The following KIF26B variants were observed in gnomAD, a reference collection of about 807,000 sequenced individuals.
KIF26B encodes the protein kinesin family member 26B, also known as kinesin-like protein KIF26B.
Under a neutral mutation model 151.2 loss-of-function variants are expected in KIF26B, and 63 were observed. The observed-to-expected ratio is 0.42, with a 90% CI of 0.34 to 0.51. The LOEUF is 0.51. Among genes scored for constraint, KIF26B ranks in the 20% least tolerant of loss-of-function variants. The pLI is 0.07. For missense variants in KIF26B, 2,813 were observed against 2,913.6 expected (o/e 0.97, Z 0.79); for synonymous variants, 1,357 against 1,262.1 (o/e 1.08, Z -1.59).
In KIF26B at chr1:245,687,432, G is replaced by T; in HGVS notation, c.4449G>T (p.Lys1483Asn). 1 of 1,588,018 alleles carries T rather than the reference G, an allele frequency of 6.3e-7. No homozygotes were observed. Residue 1483 changes from lysine (K) to asparagine (N), a missense_variant, in exon 12 of 15, where the codon AAG becomes AAT. This residue lies in a region of KIF26B where 2,060 missense variants were observed against 2,088.6 expected (regional missense o/e 0.99). Coordinates refer to ENST00000407071, the MANE Select transcript of KIF26B (RefSeq NM_018012.4). This position sits in a 1 kb window ranked among gnomAD's most constrained non-coding sequence, Gnocchi z 4.9. ...GAGCAGAGCAGGAGCAGGACGGAAA[G>T]CCCAGTCCGGGAGACAGGCTCAGCA... ...ETRAEQEQDG[K>N]PSPGDRLSSS...
At chr1:245,568,184 C>CAAAAAAAAA (rs61494632) in intron 5 of KIF26B, among the ~76,000 whole-genome samples, 3 of 28,706 alleles carry the variant, frequency 1.0e-4, no homozygotes, top group African/African-American at 1.3e-4. Context: ...AACTCCATCT[C>CAAAAAAAAA]AAAAAAAAAA....
intron 2 of KIF26B, among the ~76,000 whole-genome samples, chr1:245,314,439 G>A (rs149914322): frequency 0.032 from 4,928 of 152,162 alleles, 278 homozygotes; most frequent in African/African-American, 0.11. Flanking sequence ...GCGACAGAGC[G>A]AGACTCTGTC....
chr1:245,183,137 G>T (rs1214395370), intron 2 of KIF26B, among the ~76,000 whole-genome samples: 1 of 152,090 alleles, frequency 6.6e-6, no homozygotes, highest in East Asian at 1.9e-4. Flanking sequence ...CAACCTTTTG[G>T]TGTTTTTTAA....
chr1:245,324,222 G>A (rs1354563479), intron 2 of KIF26B, among the ~76,000 whole-genome samples: 1 of 152,224 alleles, frequency 6.6e-6, no homozygotes, highest in Non-Finnish European at 1.5e-5. Context: ...TGGAGGTGGA[G>A]TTGATGTGGG....
intron 2 of KIF26B, among the ~76,000 whole-genome samples, chr1:245,264,644 C>G (rs1312424123): frequency 6.6e-6 from 1 of 152,056 alleles, no homozygotes; most frequent in Non-Finnish European, 1.5e-5. Context: ...CCTGTAATCC[C>G]AGCACTTTGG....
At chr1:245,163,564 T>G (rs912596825) in intron 2 of KIF26B, among the ~76,000 whole-genome samples, 3 of 152,224 alleles carry the variant, frequency 2.0e-5, no homozygotes, top group African/African-American at 7.2e-5. Flanking sequence ...ATTTTTTTTT[T>G]TGTTAGGACC....
intron 5 of KIF26B, among the ~76,000 whole-genome samples, chr1:245,552,923 T>C (rs950354943): frequency 2.6e-5 from 4 of 152,074 alleles, no homozygotes; most frequent in African/African-American, 9.7e-5. Flanking sequence ...AATACAGCCC[T>C]GAGAGGTAGG....
chr1:245,317,387 T>G (rs1671800401), intron 2 of KIF26B, among the ~76,000 whole-genome samples: 1 of 152,222 alleles, frequency 6.6e-6, no homozygotes, highest in African/African-American at 2.4e-5. Flanking sequence ...CAGGGTTGAT[T>G]GATCTGTTTA....
At chr1:245,468,312 G>C (rs760230802) in intron 4 of KIF26B, among the ~76,000 whole-genome samples, 2 of 152,114 alleles carry the variant, frequency 1.3e-5, no homozygotes, top group African/African-American at 2.4e-5. Context: ...AGACAGAGGG[G>C]GGTCATTGGT....
chr1:245,207,279 C>T (rs1669425771), intron 2 of KIF26B, among the ~76,000 whole-genome samples: 1 of 152,216 alleles, frequency 6.6e-6, no homozygotes, highest in Non-Finnish European at 1.5e-5. Context: ...GGACTGGTTG[C>T]CACGAGAGCA....
At chr1:245,173,214 A>G (rs1292588848) in intron 2 of KIF26B, among the ~76,000 whole-genome samples, 2 of 152,232 alleles carry the variant, frequency 1.3e-5, no homozygotes, top group Non-Finnish European at 2.9e-5. Context: ...ATAGACATAG[A>G]AAGTAGGATG....
chr1:245,374,321 T>C (rs1572030388), intron 3 of KIF26B, among the ~76,000 whole-genome samples: 2 of 150,368 alleles, frequency 1.3e-5, no homozygotes, highest in South Asian at 2.1e-4. Context: ...GCCCACCAAG[T>C]GCTGTTGTAC....
At chr1:245,498,012 G>T (rs1660546557) in intron 4 of KIF26B, among the ~76,000 whole-genome samples, 1 of 152,194 alleles carries the variant, frequency 6.6e-6, no homozygotes, top group East Asian at 1.9e-4. Flanking sequence ...AAAGTGCTGA[G>T]ATTTATTCTA....
chr1:245,521,107 G>T (rs946143667), intron 4 of KIF26B, among the ~76,000 whole-genome samples: 5 of 152,184 alleles, frequency 3.3e-5, no homozygotes, highest in African/African-American at 1.2e-4. Flanking sequence ...GGAGGCCGAG[G>T]CGGGCGGATC....
At chr1:245,632,673 C>A (rs960846657) in intron 9 of KIF26B, among the ~76,000 whole-genome samples, 3 of 152,126 alleles carry the variant, frequency 2.0e-5, no homozygotes, top group African/African-American at 7.2e-5. Flanking sequence ...TTTGGAAGGC[C>A]AAGGCGGGCC....
intron 5 of KIF26B, among the ~76,000 whole-genome samples, chr1:245,586,584 A>G (rs1437562936): frequency 2.6e-5 from 4 of 152,136 alleles, no homozygotes; most frequent in African/African-American, 7.2e-5. Context: ...ACCCTCAACT[A>G]CAGTCAAACA....
chr1:245,169,630 C>A (rs560446181), intron 2 of KIF26B, among the ~76,000 whole-genome samples: 8 of 151,838 alleles, frequency 5.3e-5, no homozygotes, highest in African/African-American at 1.9e-4. Flanking sequence ...GTGGTAAATG[C>A]GATACAAAGG....
At chr1:245,173,593 G>T (rs1668751457) in intron 2 of KIF26B, among the ~76,000 whole-genome samples, 1 of 152,164 alleles carries the variant, frequency 6.6e-6, no homozygotes, top group Non-Finnish European at 1.5e-5. Flanking sequence ...GAGGTTAGAT[G>T]CCTGGAGACG....
chr1:245,187,930 T>C (rs937830486), intron 2 of KIF26B, among the ~76,000 whole-genome samples: 2 of 152,080 alleles, frequency 1.3e-5, no homozygotes, highest in Non-Finnish European at 2.9e-5. Flanking sequence ...CTTGAGGAAA[T>C]TCAAGTTTGA....
Sources: allele counts gnomAD v4.1 joint callset (sites outside exome capture counted in the v4.1 genomes callset), GRCh38; gene constraint gnomAD v4.1.1; regional missense constraint gnomAD v4.1.1; non-coding constraint Gnocchi (gnomAD v3.1); transcripts MANE v1.5; gene names NCBI Gene and HGNC (gene_info 2026-07-23, HGNC 2026-07-21).